The following CELF2 variants were observed in gnomAD, a reference collection of about 807,000 sequenced individuals.
The protein encoded by CELF2 is CUGBP Elav-like family member 2.
Under a neutral mutation model 62.6 loss-of-function variants are expected in CELF2, and 8 were observed. That is an observed-to-expected ratio of 0.13 (90% CI 0.07 to 0.23). CELF2 has a LOEUF of 0.23. CELF2 is among the 10% of genes least tolerant of loss of function. CELF2 has a pLI of 1.00. For missense variants in CELF2, 333 were observed against 671.0 expected, an observed-to-expected ratio of 0.50 and a Z score of 5.56; for synonymous variants, 258 against 250.0, an observed-to-expected ratio of 1.03 and a Z score of -0.30.
the CELF2 span, among the ~76,000 whole-genome samples, chr10:10,661,556 C>T: frequency 2.0e-5 from 3 of 152,176 alleles, no homozygotes; most frequent in African/African-American, 7.2e-5. Flanking sequence ...AGTGGAATTG[C>T]TGGCAAATGT....
chr10:11,171,617 AGTTTCTTCTGTGCCATG>A (rs1168487096), intron 2 of CELF2, among the ~76,000 whole-genome samples: 1 of 152,224 alleles, frequency 6.6e-6, no homozygotes, highest in Admixed American at 6.5e-5. Context: ...TAAATCCAGA[AGTTTCTTCTGTGCCATG>A]GTAGAGTGAG....
At chr10:11,096,182 T>G (rs771592306) in intron 1 of CELF2, 39 of 152,254 alleles carry the variant, frequency 2.6e-4, no homozygotes, top group Non-Finnish European at 4.1e-4. Flanking sequence ...ATAATGCATT[T>G]CAGCAAGGTA....
At chr10:11,151,793 T>C (rs1484874649) in intron 1 of CELF2, among the ~76,000 whole-genome samples, 2 of 152,104 alleles carry the variant, frequency 1.3e-5, no homozygotes, top group African/African-American at 4.8e-5. Context: ...TTAGGAAACA[T>C]AGAATATTCT....
rs2094786950 is a variant in CELF2 at position 11,314,482 on chromosome 10, C to T, written c.1096+224C>T. On this transcript the variant is annotated intron_variant, in intron 10 of 12. Transcript: ENST00000633077. The surrounding 1 kb of genome is among the most constrained non-coding windows in gnomAD (Gnocchi z 5.3). ...CCCCCAGATTCTCTTCAGTGTGTAG[C>T]ACAGCGCGTGTGCTCATCCATGGGG... is the stretch of plus-strand genomic sequence containing the variant. 6.5e-6 allele frequency: 4 copies of T among 614,998 alleles called. No individual in the cohort carries two copies. Among genetic ancestry groups the T allele is most frequent in the Non-Finnish European group, 1.2e-5 (4 of 336,474 alleles). The allele number at this position is 614,998 out of a possible 1,614,324, so 38.1% of individuals were successfully genotyped here.
rs191901988 is a variant in CELF2, at chr10:11,223,485, G to A, written c.354+5978G>A. Among the ~76,000 whole-genome samples the A allele has an allele frequency of 2.6e-3, 400 of 152,322 alleles. 2 individuals carry two copies. Among genetic ancestry groups the A allele is most frequent in the African/African-American group, 9.2e-3 (381 of 41,556 alleles). On this transcript the variant is annotated intron_variant, in intron 3 of 12. Coordinates refer to ENST00000633077, the MANE Select transcript of CELF2 (RefSeq NM_001326342.2). This position sits in a 1 kb window ranked among gnomAD's most constrained non-coding sequence, Gnocchi z 5.1. ...TGGGCTGAGAAATTCGCCCTCATGG[G>A]ACTGCCTAGGAGGAGCCATTTCCCT...
chr10:10,588,653 A>G, the CELF2 span, among the ~76,000 whole-genome samples: 1 of 152,204 alleles, frequency 6.6e-6, no homozygotes, highest in Non-Finnish European at 1.5e-5. Flanking sequence ...ATGTACTCTG[A>G]TATTTCAAAT....
At chr10:11,313,716 A>C (rs1429568896) in intron 9 of CELF2, among the ~76,000 whole-genome samples, 4 of 152,148 alleles carry the variant, frequency 2.6e-5, no homozygotes, top group Non-Finnish European at 4.4e-5. Context: ...TGAGGTTAGC[A>C]AAACCTTGGT....
chr10:11,129,052 A>T (rs753019257), intron 1 of CELF2, among the ~76,000 whole-genome samples: 1 of 152,178 alleles, frequency 6.6e-6, no homozygotes, highest in Non-Finnish European at 1.5e-5. Context: ...GATGTGTTCC[A>T]TCAATACCTA....
At chr10:10,547,518 G>T in the CELF2 span, among the ~76,000 whole-genome samples, 10 of 151,720 alleles carry the variant, frequency 6.6e-5, no homozygotes, top group African/African-American at 9.7e-5. Context: ...TTGCCTTAAG[G>T]TGTATTTAAT....
Position 11,316,282 on chromosome 10 carries a change from C to T in CELF2, c.1096+2024C>T, listed in dbSNP as rs1315893941. Among the ~76,000 whole-genome samples the T allele has an allele frequency of 6.6e-6, 1 of 152,206 alleles. No homozygotes were observed. The highest frequency in any genetic ancestry group is 1.9e-4 in the East Asian group (1 of 5,198). On this transcript the variant is annotated intron_variant, in intron 10 of 12. Transcript: ENST00000633077. The surrounding 1 kb of genome is among the most constrained non-coding windows in gnomAD (Gnocchi z 4.4). ...GAATGTTTGTCATTTCAAATAACCC[C>T]TGCTAGATAGTATGAACCAAGAAAA... is the stretch of plus-strand genomic sequence containing the variant.
the CELF2 span, among the ~76,000 whole-genome samples, chr10:10,523,004 A>G: frequency 6.6e-6 from 1 of 152,252 alleles, no homozygotes; most frequent in African/African-American, 2.4e-5. Flanking sequence ...TCCAGACCAC[A>G]GAGTTGGAAC....
In CELF2 at chr10:11,119,864, T is replaced by TCTCCCC. The variant is rs1399108400; in HGVS notation, c.75-45621_75-45620insTCCCCC. 9.4e-4 allele frequency among the ~76,000 whole-genome samples: 105 copies of TCTCCCC among 112,112 alleles called. 1 individual carries two copies. The highest frequency in any genetic ancestry group is 1.1e-3 in the Non-Finnish European group (57 of 51,622). The allele number at this position is 112,112 out of a possible 152,430, so 73.5% of individuals were successfully genotyped here. ...ATTTGCCTGGCTGCTTGATTCCGCC[T>TCTCCCC]CCCCCCCCCCGGCCCCCGCTTTTTT... On this transcript the variant is annotated intron_variant, in intron 1 of 12. Coordinates refer to ENST00000633077, the MANE Select transcript of CELF2 (RefSeq NM_001326342.2).
chr10:10,595,719 A>T, the CELF2 span, among the ~76,000 whole-genome samples: 1 of 151,836 alleles, frequency 6.6e-6, no homozygotes, highest in Non-Finnish European at 1.5e-5. Context: ...TAATGGTGAA[A>T]CCCCCATCTC....
intron 1 of CELF2, among the ~76,000 whole-genome samples, chr10:11,033,610 G>A (rs900104690): frequency 6.6e-6 from 1 of 152,128 alleles, no homozygotes; most frequent in African/African-American, 2.4e-5. Flanking sequence ...AACTGCCTGG[G>A]CTTTTGATAG....
At chr10:11,215,215 T>A in intron 2 of CELF2, among the ~76,000 whole-genome samples, 1 of 152,220 alleles carries the variant, frequency 6.6e-6, no homozygotes, top group East Asian at 1.9e-4. Flanking sequence ...GCAGGGATTT[T>A]GCTTGGGTGT....
the CELF2 span, among the ~76,000 whole-genome samples, chr10:10,730,138 A>G: frequency 1.3e-5 from 2 of 152,104 alleles, no homozygotes; most frequent in East Asian, 1.9e-4. Context: ...TAAATCCTCT[A>G]ATTTTTTTTT....
chr10:11,153,546 G>A (rs1474356609), intron 1 of CELF2, among the ~76,000 whole-genome samples: 2 of 152,108 alleles, frequency 1.3e-5, no homozygotes, highest in Non-Finnish European at 2.9e-5. Flanking sequence ...TGTGTGTGTA[G>A]GAGTAACTCT....
At chr10:10,659,791 A>T in the CELF2 span, among the ~76,000 whole-genome samples, 4 of 152,168 alleles carry the variant, frequency 2.6e-5, no homozygotes, top group African/African-American at 9.7e-5. Flanking sequence ...CCTTCATTCA[A>T]CAACTGTACC....
At chr10:10,578,901 T>G in the CELF2 span, among the ~76,000 whole-genome samples, 1 of 152,196 alleles carries the variant, frequency 6.6e-6, no homozygotes, top group African/African-American at 2.4e-5. Flanking sequence ...ATGCTAATAT[T>G]AACTTTCACA....
Sources: allele counts gnomAD v4.1 joint callset (sites outside exome capture counted in the v4.1 genomes callset), GRCh38; gene constraint gnomAD v4.1.1; non-coding constraint Gnocchi (gnomAD v3.1); transcripts MANE v1.5; gene names NCBI Gene and HGNC (gene_info 2026-07-23, HGNC 2026-07-21).